ATP10D: variants seen among roughly 807,000 people sequenced by gnomAD.
ATP10D encodes ATPase phospholipid transporting 10D (putative).
ATP10D carries 89 observed loss-of-function variants against 144.8 expected under a neutral mutation model. That is an observed-to-expected ratio of 0.61 (90% CI 0.52 to 0.73). ATP10D has a LOEUF of 0.73. ATP10D is among the 30% of genes least tolerant of loss of function. The probability of loss-of-function intolerance (pLI) is 0.00; values close to 1 mark genes in which losing one functional copy is unlikely to be tolerated. For synonymous variants in ATP10D, 571 were observed against 615.1 expected (o/e 0.93, Z 1.06); for missense variants, 1,603 against 1,714.8 (o/e 0.93, Z 1.15).
chr4:47,500,750 G>A (rs1715640486), intron 1 of ATP10D, among the ~76,000 whole-genome samples: 2 of 152,154 alleles, frequency 1.3e-5, no homozygotes, highest in Non-Finnish European at 2.9e-5. Flanking sequence ...TATGCTAGGG[G>A]AACTTGTGGA....
Position 47,558,111 on chromosome 4 carries a change from G to T in ATP10D, c.2272G>T (p.Ala758Ser). ...TPEQVMVDFA[A>S]LGPLTFQLLH... is the part of the protein sequence containing the mutation. Reference sequence around the variant, plus strand: ...AGAGCAGGTCATGGTGGACTTTGCTGCTTTGGGACCATTAACATTTCAACT... The same window carrying T: ...AGAGCAGGTCATGGTGGACTTTGCTTCTTTGGGACCATTAACATTTCAACT... Residue 758 changes from alanine (A) to serine (S), a missense_variant, in exon 12 of 23, where the codon GCT (alanine) becomes TCT (serine). Ala to Ser is a moderately conservative substitution (Grantham distance 99). Coordinates refer to ENST00000273859, the MANE Select transcript of ATP10D (RefSeq NM_020453.4). 4 of 1,614,214 alleles carry T rather than the reference G, an allele frequency of 2.5e-6. No homozygotes were observed. The highest frequency in any genetic ancestry group is 3.4e-6 in the Non-Finnish European group (4 of 1,180,038).
At chr4:47,535,753 C>T in intron 6 of ATP10D, 138 bp downstream of exon 6, 2 of 1,313,518 alleles carry the variant, frequency 1.5e-6, no homozygotes, top group Admixed American at 2.8e-5. Context: ...CTCTGTTTTT[C>T]TAAATGGATC....
rs111651259 is a variant in ATP10D, at chr4:47,515,792, A to C, written c.485+122A>C. 2.5e-4 allele frequency: 188 copies of C among 749,750 alleles called. 1 individual carries two copies. In the African/African-American group the frequency reaches 3.0e-3, roughly 12 times the overall value. The allele number at this position is 749,750 out of a possible 1,614,324, so 46.4% of individuals were successfully genotyped here. On this transcript the variant is annotated intron_variant, in intron 3 of 22. Coordinates refer to ENST00000273859, the MANE Select transcript of ATP10D (RefSeq NM_020453.4). ...TTGTGGTGGTGTTGGTGTTGTTGCT[A>C]TTGTTTTCAACTAATATTTCGTAAA...
chr4:47,591,447 C>T lies in ATP10D; in HGVS notation c.*66C>T. 7.4e-7 allele frequency: 1 copy of T among 1,355,178 alleles called. No homozygotes were observed. The highest frequency in any genetic ancestry group is 1.0e-6 in the Non-Finnish European group (1 of 992,744). The allele number at this position is 1,355,178 out of a possible 1,614,324, so 83.9% of individuals were successfully genotyped here. On this transcript the variant is annotated 3_prime_UTR_variant, in exon 23 of 23. Coordinates refer to ENST00000273859, the MANE Select transcript of ATP10D (RefSeq NM_020453.4). ...AGAGGGATTTTGAAGAGGTATCTCT[C>T]CAAGCAAGAATGACTTGTTTTTCCA... is the stretch of plus-strand genomic sequence containing the variant.
Position 47,557,914 on chromosome 4 carries a change from G to A in ATP10D, c.2075G>A (p.Cys692Tyr). The A allele has an allele frequency of 6.2e-7, 1 of 1,614,162 alleles. No homozygotes were observed. The highest frequency in any genetic ancestry group is 1.1e-5 in the South Asian group (1 of 91,090). ...SPQCSSSSAC[C>Y]TETEKQHGDA... Reference sequence around the variant, plus strand: ...CAGTGCTCCAGTAGCTCAGCTTGCTGCACAGAAACAGAGAAACAACACGGT... The same window carrying A: ...CAGTGCTCCAGTAGCTCAGCTTGCTACACAGAAACAGAGAAACAACACGGT... Residue 692 changes from cysteine (C) to tyrosine (Y), a missense_variant, in exon 12 of 23, where the codon TGC (cysteine) becomes TAC (tyrosine). Physicochemically the swap from Cys to Tyr is radical, Grantham distance 194. Transcript: ENST00000273859.
chr4:47,491,501 G>A (rs1434538850), intron 1 of ATP10D: 15 of 612,350 alleles, frequency 2.4e-5, no homozygotes, highest in Non-Finnish European at 3.9e-5. Context: ...TGGCCAAAAG[G>A]AAGTGCAAAT....
At chr4:47,572,825 C>A in intron 17 of ATP10D, 47 bp from the exon 18 acceptor site, 2 of 1,612,944 alleles carry the variant, frequency 1.2e-6, no homozygotes, top group Non-Finnish European at 1.7e-6. Context: ...TCTGTTCTAA[C>A]ATGTTTGATC....
intron 1 of ATP10D, among the ~76,000 whole-genome samples, chr4:47,509,187 TTTC>T (rs1490774963): frequency 6.6e-6 from 1 of 152,236 alleles, no homozygotes; most frequent in Non-Finnish European, 1.5e-5. Context: ...AAGATTCTGT[TTTC>T]TTCTTCTTTT....
chr4:47,502,617 G>A (rs1279315641), intron 1 of ATP10D, among the ~76,000 whole-genome samples: 8 of 146,776 alleles, frequency 5.5e-5, no homozygotes, highest in South Asian at 2.1e-4. Flanking sequence ...TTTTATATAC[G>A]ATATACATAT....
chr4:47,500,139 A>G (rs552796916), intron 1 of ATP10D, among the ~76,000 whole-genome samples: 38 of 152,332 alleles, frequency 2.5e-4, no homozygotes, highest in African/African-American at 9.1e-4. Context: ...TTGAAAATCT[A>G]CTCATTGCCT....
At chr4:47,490,184 G>A (rs1034063484) in intron 1 of ATP10D, among the ~76,000 whole-genome samples, 1 of 152,056 alleles carries the variant, frequency 6.6e-6, no homozygotes, top group Non-Finnish European at 1.5e-5. Flanking sequence ...ATAGTTAGAA[G>A]GTTTTAGTTA....
At chr4:47,549,336 C>T (rs1206222303) in intron 10 of ATP10D, among the ~76,000 whole-genome samples, 1 of 152,208 alleles carries the variant, frequency 6.6e-6, no homozygotes, top group Non-Finnish European at 1.5e-5. Context: ...TACATTCCAT[C>T]TCTCCCTTGT....
Position 47,558,257 on chromosome 4 carries a change from G to C in ATP10D, c.2418G>C (p.Leu806=). The change falls in exon 12 of 23, where the codon CTG becomes CTC. Residue 806 remains leucine (L), a synonymous_variant. Coordinates refer to ENST00000273859, the MANE Select transcript of ATP10D (RefSeq NM_020453.4). ...CTGATTCTGTGATCATGGAGTTACT[G>C]TCGGTGGCTTCCCCAGGTAAGTTTA... ...KGADSVIMEL[L]SVASPDGASL... is the part of the protein sequence containing the mutation. The C allele has an allele frequency of 6.2e-7, 1 of 1,612,416 alleles. No individual in the cohort carries two copies. The highest frequency in any genetic ancestry group is 8.5e-7 in the Non-Finnish European group (1 of 1,178,500).
rs1196433876 is a variant in ATP10D at position 47,512,768 on chromosome 4, A to G, written c.228A>G (p.Ile76Met). 1.2e-6 allele frequency: 2 copies of G among 1,613,972 alleles called. No individual in the cohort carries two copies. Among genetic ancestry groups the G allele is most frequent in the South Asian group, 1.1e-5 (1 of 91,090 alleles). Residue 76 changes from isoleucine (I) to methionine (M), a missense_variant, in exon 2 of 23, where the codon ATA (isoleucine) becomes ATG (methionine). Coordinates refer to ENST00000273859, the MANE Select transcript of ATP10D (RefSeq NM_020453.4). ...KFSGAYVNNR[I>M]RTTKYTLLNF... ...CCGGAGCCTATGTGAACAATCGAAT[A>G]CGAACAACAAAGTACACACTTCTGA...
chr4:47,564,706 T>A (rs1415315330), intron 15 of ATP10D, among the ~76,000 whole-genome samples: 6 of 152,176 alleles, frequency 3.9e-5, no homozygotes, highest in African/African-American at 1.4e-4. Flanking sequence ...CTAACACCAA[T>A]GTTTAATCAG....
intron 4 of ATP10D, 141 bp from the exon 5 acceptor site, chr4:47,525,416 C>T: frequency 1.6e-6 from 1 of 640,188 alleles, no homozygotes. Context: ...CTCTACTTTC[C>T]TTCCTTTGGG....
chr4:47,504,596 T>C (rs1216482516), intron 1 of ATP10D, among the ~76,000 whole-genome samples: 1 of 151,978 alleles, frequency 6.6e-6, no homozygotes, highest in Admixed American at 6.5e-5. Flanking sequence ...GGAGTCTCAC[T>C]CTGTGGCCCA....
intron 5 of ATP10D, among the ~76,000 whole-genome samples, chr4:47,526,551 T>C (rs1717255022): frequency 6.6e-6 from 1 of 152,064 alleles, no homozygotes; most frequent in South Asian, 2.1e-4. Flanking sequence ...GAAAAGGAAA[T>C]GAAAGATATC....
chr4:47,528,513 G>GTATATATA (rs796644378), intron 5 of ATP10D, among the ~76,000 whole-genome samples: 89 of 93,274 alleles, frequency 9.5e-4, no homozygotes, highest in South Asian at 2.0e-3. Flanking sequence ...GTGTGTGTGT[G>GTATATATA]TATATATATA....
Sources: gnomAD v4.1 joint callset for allele counts (sites outside exome capture counted in the v4.1 genomes callset) on GRCh38, gnomAD v4.1.1 for gene constraint, MANE v1.5 for transcripts, NCBI Gene and HGNC (gene_info 2026-07-23, HGNC 2026-07-21) for gene names.